The following DEPDC1B variants were observed in gnomAD, a reference collection of about 807,000 sequenced individuals.
DEPDC1B encodes the protein DEP domain containing 1B.
Under a neutral mutation model 66.5 loss-of-function variants are expected in DEPDC1B, and 51 were observed. That is an observed-to-expected ratio of 0.77 (90% CI 0.61 to 0.97). The LOEUF is 0.97. Among genes scored for constraint, DEPDC1B ranks in the 50% least tolerant of loss-of-function variants. The pLI is 0.00. For synonymous variants in DEPDC1B, 226 were observed against 223.6 expected, an observed-to-expected ratio of 1.01 and a Z score of -0.10; for missense variants, 552 against 637.1, an observed-to-expected ratio of 0.87 and a Z score of 1.44.
At chr5:60,656,056 T>C (rs1753567174) in intron 2 of DEPDC1B, among the ~76,000 whole-genome samples, 1 of 152,134 alleles carries the variant, frequency 6.6e-6, no homozygotes, top group African/African-American at 2.4e-5. Flanking sequence ...TCTTGGAGAA[T>C]GTTCCATGTG....
chr5:60,685,836 T>C (rs947874113), intron 2 of DEPDC1B, among the ~76,000 whole-genome samples: 1 of 152,116 alleles, frequency 6.6e-6, no homozygotes, highest in African/African-American at 2.4e-5. Context: ...AGTACTAAGG[T>C]CTCAGAATAG....
chr5:60,640,111 T>C (rs1450477171), intron 6 of DEPDC1B, among the ~76,000 whole-genome samples: 1 of 152,226 alleles, frequency 6.6e-6, no homozygotes, highest in Non-Finnish European at 1.5e-5. Flanking sequence ...TCTCTTCTTA[T>C]AAAATAATTT....
At chr5:60,638,657 A>G in intron 7 of DEPDC1B, 93 bp downstream of exon 7, 1 of 1,286,758 alleles carries the variant, frequency 7.8e-7, no homozygotes, top group Non-Finnish European at 1.1e-6. Flanking sequence ...TTAAAATGGC[A>G]TGAGTTTTGG....
chr5:60,692,189 G>A (rs769550059), intron 1 of DEPDC1B, among the ~76,000 whole-genome samples: 1 of 152,070 alleles, frequency 6.6e-6, no homozygotes, highest in Non-Finnish European at 1.5e-5. Flanking sequence ...GAGGGGAGTG[G>A]GGAACGGGGA....
chr5:60,613,905 A>G (rs917768134), intron 7 of DEPDC1B, among the ~76,000 whole-genome samples: 2 of 151,878 alleles, frequency 1.3e-5, no homozygotes, highest in Middle Eastern at 3.4e-3. Flanking sequence ...CTGTATGACC[A>G]CCCAAGAGAT....
At chr5:60,688,191 T>C (rs1561394169) in intron 1 of DEPDC1B, among the ~76,000 whole-genome samples, 1 of 152,148 alleles carries the variant, frequency 6.6e-6, no homozygotes, top group African/African-American at 2.4e-5. Flanking sequence ...TGAAAAGTGA[T>C]GAGCCAGTTT....
At chr5:60,664,742 G>A (rs1328824727) in intron 2 of DEPDC1B, among the ~76,000 whole-genome samples, 3 of 152,126 alleles carry the variant, frequency 2.0e-5, no homozygotes, top group Non-Finnish European at 2.9e-5. Context: ...AGGAACTAGC[G>A]CTCAGGTGGC....
chr5:60,682,462 A>G (rs1339017980), intron 2 of DEPDC1B, among the ~76,000 whole-genome samples: 1 of 152,226 alleles, frequency 6.6e-6, no homozygotes, highest in Middle Eastern at 3.2e-3. Context: ...ACATGTATAC[A>G]TATGTAACAA....
intron 9 of DEPDC1B, 86 bp from the exon 10 acceptor site, chr5:60,599,346 T>A (rs1428354640): frequency 9.6e-7 from 1 of 1,041,612 alleles, no homozygotes; most frequent in East Asian, 3.0e-5. Flanking sequence ...ACAGGATATC[T>A]CCTTGTACCG....
intron 1 of DEPDC1B, among the ~76,000 whole-genome samples, chr5:60,691,250 C>T (rs1754538537): frequency 6.6e-6 from 1 of 152,008 alleles, no homozygotes; most frequent in African/African-American, 2.4e-5. Flanking sequence ...GATGAGGTTT[C>T]ACCATGTTAG....
intron 8 of DEPDC1B, among the ~76,000 whole-genome samples, chr5:60,603,826 C>CATATATATATAT (rs34747463): frequency 0.017 from 2,458 of 146,014 alleles, 54 homozygotes; most frequent in African/African-American, 0.049. Flanking sequence ...TTTAAATATA[C>CATATATATATAT]ATATATATAT....
chr5:60,691,922 G>T (rs1011941615), intron 1 of DEPDC1B, among the ~76,000 whole-genome samples: 1 of 152,056 alleles, frequency 6.6e-6, no homozygotes, highest in African/African-American at 2.4e-5. Context: ...CTAAGTTATG[G>T]AATCAACCTA....
At chr5:60,632,850 G>A (rs538706863) in intron 7 of DEPDC1B, among the ~76,000 whole-genome samples, 26 of 152,340 alleles carry the variant, frequency 1.7e-4, no homozygotes, top group African/African-American at 5.8e-4. Flanking sequence ...TTGGGGACAG[G>A]AGACTGAGGC....
At position 60,597,266 on chromosome 5, in the gene DEPDC1B, A is replaced by C. The variant is rs1371394761; in HGVS notation, c.*487T>G. On this transcript the variant is annotated 3_prime_UTR_variant, in exon 11 of 11. Transcript: ENST00000265036. ...ATTAAAAAATTTATGTGCAGCAATA[A>C]AAACTGGAATTTATACAGGAGAAAT... 6.5e-6 allele frequency: 1 copy of C among 152,964 alleles called. No individual in the cohort carries two copies. The highest frequency in any genetic ancestry group is 6.5e-5 in the Admixed American group (1 of 15,272). The allele number at this position is 152,964 out of a possible 1,614,324, so 9.5% of individuals were successfully genotyped here.
chr5:60,615,376 T>C (rs1752521621), intron 7 of DEPDC1B, among the ~76,000 whole-genome samples: 1 of 151,718 alleles, frequency 6.6e-6, no homozygotes, highest in South Asian at 2.1e-4. Flanking sequence ...GCACAAGGGG[T>C]CAGGGAATTC....
chr5:60,642,686 C>T (rs201430247), intron 6 of DEPDC1B, 126 bp downstream of exon 6: 1 of 668,802 alleles, frequency 1.5e-6, no homozygotes, highest in African/African-American at 1.8e-5. Context: ...ACAGTAGTCC[C>T]AAAATAATTA....
chr5:60,696,760 A>G (rs902642706), intron 1 of DEPDC1B, among the ~76,000 whole-genome samples: 1 of 152,226 alleles, frequency 6.6e-6, no homozygotes, highest in Non-Finnish European at 1.5e-5. Flanking sequence ...ATAAAATCAC[A>G]CAATTGTTTT....
intron 2 of DEPDC1B, among the ~76,000 whole-genome samples, chr5:60,682,474 C>A (rs940287377): frequency 2.3e-4 from 35 of 152,070 alleles, no homozygotes; most frequent in Non-Finnish European, 3.7e-4. Flanking sequence ...ATGTAACAAA[C>A]CTGCACGTTG....
At chr5:60,663,242 C>A (rs1053874078) in intron 2 of DEPDC1B, among the ~76,000 whole-genome samples, 3 of 152,158 alleles carry the variant, frequency 2.0e-5, no homozygotes, top group Non-Finnish European at 4.4e-5. Context: ...AAGGGTTCCA[C>A]CTCCGTTCCC....
Sources: gnomAD v4.1 joint callset for allele counts (sites outside exome capture counted in the v4.1 genomes callset) on GRCh38, gnomAD v4.1.1 for gene constraint, MANE v1.5 for transcripts, NCBI Gene and HGNC (gene_info 2026-07-23, HGNC 2026-07-21) for gene names.